SFT2D1: variants seen among roughly 807,000 people sequenced by gnomAD.
SFT2D1 encodes the protein vesicle transport protein SFT2A.
SFT2D1 carries 24 observed loss-of-function variants against 28.1 expected under a neutral mutation model. The observed-to-expected ratio is 0.85, with a 90% CI of 0.62 to 1.20. The LOEUF (loss-of-function observed/expected upper bound fraction) is 1.20. Among genes scored for constraint, SFT2D1 ranks in the 50% most tolerant of loss-of-function variants. The probability of loss-of-function intolerance (pLI) is 0.00; values close to 1 mark genes in which losing one functional copy is unlikely to be tolerated. For missense variants in SFT2D1, 181 were observed against 190.9 expected (o/e 0.95, Z 0.31); for synonymous variants, 82 against 73.7 (o/e 1.11, Z -0.58).
At chr6:166,332,150 G>C (rs534781902) in intron 1 of SFT2D1, among the ~76,000 whole-genome samples, 25 of 152,290 alleles carry the variant, frequency 1.6e-4, no homozygotes, top group African/African-American at 5.5e-4. Flanking sequence ...TCTAGGATAC[G>C]AAACAACTAT....
chr6:166,337,386 T>C lies in SFT2D1; in HGVS notation c.63+5033A>G, dbSNP rs571631063. On this transcript the variant is annotated intron_variant, in intron 1 of 7. Transcript: ENST00000361731. ...CCAAGGAACATTTTTGAAGCATCAG[T>C]ATCCTTTCCAACTCAACAGCACAGG... Among the ~76,000 whole-genome samples, 90 of 152,290 alleles carry C rather than the reference T, an allele frequency of 5.9e-4. 1 individual carries two copies. In the South Asian group the frequency reaches 8.9e-3, roughly 15 times the overall value.
At chr6:166,324,506 T>C (rs375246329) in intron 6 of SFT2D1, 31 bp downstream of exon 6, 96 of 1,593,742 alleles carry the variant, frequency 6.0e-5, no homozygotes, top group Non-Finnish European at 8.0e-5. Context: ...CAGGCAATTT[T>C]AACACTTCAC....
chr6:166,330,705 G>C (rs1562444511), intron 1 of SFT2D1, among the ~76,000 whole-genome samples: 1 of 152,256 alleles, frequency 6.6e-6, no homozygotes, highest in African/African-American at 2.4e-5. Context: ...AGATGCCAGA[G>C]TCTGAGTGCA....
chr6:166,322,490 G>A (rs1166910233), intron 7 of SFT2D1, among the ~76,000 whole-genome samples: 1 of 151,942 alleles, frequency 6.6e-6, no homozygotes, highest in African/African-American at 2.4e-5. Flanking sequence ...AGGAGATTGA[G>A]ACCATCCTGG....
rs796434921 is a variant in SFT2D1 at position 166,342,516 on chromosome 6, G to A, written c.-35C>T. On this transcript the variant is annotated 5_prime_UTR_variant, in exon 1 of 8. Coordinates refer to ENST00000361731, the MANE Select transcript of SFT2D1 (RefSeq NM_145169.3). ...ACAGGGCCGTAGCGGCCGCCACTCT[G>A]TTGCCTGCCCCTGACGCCCACCAGG... 14 of 1,523,014 alleles carry A rather than the reference G, an allele frequency of 9.2e-6. No individual in the cohort carries two copies. In the African/African-American group the frequency reaches 1.8e-4, roughly 19 times the overall value. The allele number at this position is 1,523,014 out of a possible 1,614,324, so 94.3% of individuals were successfully genotyped here.
At chr6:166,339,757 C>G (rs1171097909) in intron 1 of SFT2D1, among the ~76,000 whole-genome samples, 1 of 152,212 alleles carries the variant, frequency 6.6e-6, no homozygotes. Flanking sequence ...TCCTCCTTCT[C>G]TCGCCACGCC....
chr6:166,321,581 A>C (rs1778359428), intron 7 of SFT2D1, among the ~76,000 whole-genome samples: 1 of 152,238 alleles, frequency 6.6e-6, no homozygotes, highest in African/African-American at 2.4e-5. Context: ...AGAATCATAC[A>C]TTTGAAATGG....
intron 1 of SFT2D1, among the ~76,000 whole-genome samples, chr6:166,332,237 A>T (rs1355554262): frequency 1.3e-5 from 2 of 152,194 alleles, no homozygotes; most frequent in African/African-American, 2.4e-5. Context: ...GCATCTTCCA[A>T]CTAGGAGACA....
intron 1 of SFT2D1, among the ~76,000 whole-genome samples, chr6:166,330,921 C>T (rs886798370): frequency 2.0e-5 from 3 of 152,206 alleles, no homozygotes; most frequent in African/African-American, 7.2e-5. Flanking sequence ...CCAGACGGTA[C>T]CCGTTCTAAG....
At chr6:166,337,484 T>G (rs1291901249) in intron 1 of SFT2D1, among the ~76,000 whole-genome samples, 1 of 152,074 alleles carries the variant, frequency 6.6e-6, no homozygotes, top group Non-Finnish European at 1.5e-5. Context: ...CTGACTGTCC[T>G]CCCGCCTCGC....
At chr6:166,330,367 G>T in intron 1 of SFT2D1, 120 bp from the exon 2 acceptor site, 2 of 673,822 alleles carry the variant, frequency 3.0e-6, no homozygotes, top group Non-Finnish European at 5.1e-6. Flanking sequence ...GCATATCACA[G>T]TGTCATTCAA....
intron 4 of SFT2D1, among the ~76,000 whole-genome samples, chr6:166,327,968 T>C (rs957922019): frequency 6.6e-6 from 1 of 152,100 alleles, no homozygotes; most frequent in African/African-American, 2.4e-5. Flanking sequence ...GGGCTAATTT[T>C]TGTATTTTTA....
In SFT2D1 at chr6:166,330,108, T is replaced by TA. The variant is rs1245767227; in HGVS notation, c.150+52dup. ...ATTAGTTTTTGGTACTAAATGGAAT[T>TA]ATTAGTCTAATACAAAATAAAAATT... On this transcript the variant is annotated intron_variant, in intron 2 of 7. Transcript: ENST00000361731. 1.0e-5 allele frequency: 14 copies of TA among 1,346,444 alleles called. No homozygotes were observed. The African/African-American group carries it at 1.8e-4, about 17-fold the overall frequency. The allele number at this position is 1,346,444 out of a possible 1,614,324, so 83.4% of individuals were successfully genotyped here.
At chr6:166,342,337 C>A in intron 1 of SFT2D1, 82 bp downstream of exon 1, 2 of 1,349,854 alleles carry the variant, frequency 1.5e-6, no homozygotes, top group Non-Finnish European at 2.0e-6. Context: ...GCCTCGCACC[C>A]ACCCCACCCG....
At chr6:166,321,062 G>T (rs1778345959) in intron 7 of SFT2D1, among the ~76,000 whole-genome samples, 1 of 151,456 alleles carries the variant, frequency 6.6e-6, no homozygotes, top group South Asian at 2.1e-4. Flanking sequence ...AGTGAGCAGA[G>T]ATCACGCCAT....
chr6:166,342,528 T>C lies in SFT2D1; in HGVS notation c.-47A>G, dbSNP rs2114920358. ...CGGCCGCCACTCTGTTGCCTGCCCC[T>C]GACGCCCACCAGGAAACCCCGAACC... is the stretch of plus-strand genomic sequence containing the variant. On this transcript the variant is annotated 5_prime_UTR_variant, in exon 1 of 8. Transcript: ENST00000361731. 1.4e-6 allele frequency: 2 copies of C among 1,479,094 alleles called. No homozygotes were observed. The highest frequency in any genetic ancestry group is 1.8e-6 in the Non-Finnish European group (2 of 1,086,072). The allele number at this position is 1,479,094 out of a possible 1,614,324, so 91.6% of individuals were successfully genotyped here.
chr6:166,324,995 C>T (rs867065559), intron 5 of SFT2D1, among the ~76,000 whole-genome samples: 2 of 152,014 alleles, frequency 1.3e-5, no homozygotes, highest in South Asian at 2.1e-4. Flanking sequence ...CCCATTTGCT[C>T]CTTGAGTGAT....
At chr6:166,327,944 C>T (rs1324931127) in intron 4 of SFT2D1, among the ~76,000 whole-genome samples, 5 of 152,020 alleles carry the variant, frequency 3.3e-5, no homozygotes, top group Non-Finnish European at 7.4e-5. Context: ...ATTACAGGTG[C>T]ATGCCACCTC....
chr6:166,332,962 A>G (rs139799252), intron 1 of SFT2D1, among the ~76,000 whole-genome samples: 3 of 152,350 alleles, frequency 2.0e-5, no homozygotes, highest in East Asian at 3.9e-4. Flanking sequence ...GCTGAGGAAC[A>G]GCTCTAATCC....
Sources: allele counts gnomAD v4.1 joint callset (sites outside exome capture counted in the v4.1 genomes callset), GRCh38; gene constraint gnomAD v4.1.1; transcripts MANE v1.5; gene names NCBI Gene and HGNC (gene_info 2026-07-23, HGNC 2026-07-21).